The following COX10 variants were observed in gnomAD, a reference collection of about 807,000 sequenced individuals.
The protein encoded by COX10 is cytochrome c oxidase assembly factor heme A:farnesyltransferase COX10.
COX10 carries 27 observed loss-of-function variants against 37.3 expected under a neutral mutation model. The ratio of observed to expected loss-of-function variants is 0.72; its 90% CI spans 0.53 to 1.00. The LOEUF (loss-of-function observed/expected upper bound fraction) is 1.00. COX10 is among the 50% of genes least tolerant of loss of function. COX10 has a pLI of 0.00. For missense variants in COX10, 475 were observed against 563.2 expected (o/e 0.84, Z 1.59); for synonymous variants, 222 against 229.1 (o/e 0.97, Z 0.28).
chr17:14,098,836 G>C (rs1189314811), intron 3 of COX10, among the ~76,000 whole-genome samples: 1 of 152,102 alleles, frequency 6.6e-6, no homozygotes, highest in African/African-American at 2.4e-5. Flanking sequence ...TTCTACCTTT[G>C]ATTGCTGCCC....
intron 4 of COX10, among the ~76,000 whole-genome samples, chr17:14,107,204 T>C (rs1401268969): frequency 7.0e-6 from 1 of 142,064 alleles, no homozygotes; most frequent in African/African-American, 2.6e-5. Context: ...GAACCACTGC[T>C]TTAACAATTT....
intron 3 of COX10, among the ~76,000 whole-genome samples, chr17:14,079,926 A>G (rs1915246327): frequency 6.6e-6 from 1 of 151,948 alleles, no homozygotes; most frequent in Non-Finnish European, 1.5e-5. Flanking sequence ...ATGACAGTAT[A>G]GTTTTCACTG....
intron 4 of COX10, among the ~76,000 whole-genome samples, chr17:14,140,323 C>T (rs1455989092): frequency 6.6e-6 from 1 of 152,102 alleles, no homozygotes; most frequent in African/African-American, 2.4e-5. Flanking sequence ...TTTAGGCATT[C>T]TTCCAGATTA....
intron 4 of COX10, among the ~76,000 whole-genome samples, chr17:14,156,023 G>C (rs960226695): frequency 3.3e-5 from 5 of 152,074 alleles, no homozygotes; most frequent in Admixed American, 6.5e-5. Context: ...TCTACCTCTG[G>C]AGCTTCATCA....
intron 4 of COX10, among the ~76,000 whole-genome samples, chr17:14,112,293 T>C (rs191269551): frequency 4.6e-5 from 7 of 152,296 alleles, no homozygotes; most frequent in African/African-American, 1.7e-4. Flanking sequence ...TTCTACTTAG[T>C]TCAAATGCAG....
intron 4 of COX10, among the ~76,000 whole-genome samples, chr17:14,150,111 A>C (rs190416903): frequency 3.8e-4 from 58 of 152,264 alleles, no homozygotes; most frequent in Non-Finnish European, 6.6e-4. Context: ...ATCTCTACCA[A>C]CAATACAAAA....
chr17:14,169,434 C>T (rs1159393130), intron 5 of COX10, among the ~76,000 whole-genome samples: 3 of 152,198 alleles, frequency 2.0e-5, no homozygotes. Flanking sequence ...TTACCCAGCT[C>T]CAAAGTTGCT....
Position 14,076,687 on chromosome 17 carries a change from G to A in COX10, c.178-48G>A. 1.9e-6 allele frequency: 3 copies of A among 1,576,406 alleles called. No homozygotes were observed. The South Asian group carries it at 3.3e-5, about 18-fold the overall frequency. ...AAGATGTTGCTAAATAACCATTTGA[G>A]AGCATTTGGGGCCTTGGTTTTATAG... On this transcript the variant is annotated intron_variant, in intron 2 of 6. Coordinates refer to ENST00000261643, the MANE Select transcript of COX10 (RefSeq NM_001303.4).
At position 14,074,304 on chromosome 17, in the gene COX10, A is replaced by C. The variant is rs1915094796; in HGVS notation, c.44-19A>C. ...GTACGAATCATTTAACCTTTCTTCCACTTCTCTCTCTATTATAGGTTGCGT... is the reference window on the plus strand; with the variant it reads ...GTACGAATCATTTAACCTTTCTTCCCCTTCTCTCTCTATTATAGGTTGCGT... On this transcript the variant is annotated intron_variant, in intron 1 of 6. Coordinates refer to ENST00000261643, the MANE Select transcript of COX10 (RefSeq NM_001303.4). 6.2e-7 allele frequency: 1 copy of C among 1,613,872 alleles called. No homozygotes were observed. Among genetic ancestry groups the C allele is most frequent in the East Asian group, 2.2e-5 (1 of 44,856 alleles).
intron 4 of COX10, among the ~76,000 whole-genome samples, chr17:14,152,258 C>A (rs1306393296): frequency 6.6e-6 from 1 of 152,132 alleles, no homozygotes; most frequent in East Asian, 1.9e-4. Flanking sequence ...ACCTACAGTT[C>A]CACATGGCTG....
chr17:14,202,151 T>TA (rs1237280686), intron 6 of COX10, among the ~76,000 whole-genome samples: 1 of 151,762 alleles, frequency 6.6e-6, no homozygotes, highest in African/African-American at 2.4e-5. Flanking sequence ...CAGCAAGCCT[T>TA]CCTCTACCCA....
intron 6 of COX10, among the ~76,000 whole-genome samples, chr17:14,199,088 T>A (rs1218245354): frequency 2.0e-5 from 3 of 150,864 alleles, no homozygotes; most frequent in Non-Finnish European, 3.0e-5. Context: ...AAAAAAGAGC[T>A]ACGAAAGAAC....
chr17:14,096,276 A>C (rs986562589), intron 3 of COX10, among the ~76,000 whole-genome samples: 1 of 152,054 alleles, frequency 6.6e-6, no homozygotes, highest in South Asian at 2.1e-4. Flanking sequence ...ATTAAGTTTC[A>C]ACATGAATTT....
intron 4 of COX10, among the ~76,000 whole-genome samples, chr17:14,151,804 A>T (rs1904907016): frequency 6.6e-6 from 1 of 152,244 alleles, no homozygotes; most frequent in South Asian, 2.1e-4. Flanking sequence ...AATTACATGT[A>T]ACTTCAACTA....
chr17:14,076,406 T>C (rs1597490971), intron 2 of COX10, among the ~76,000 whole-genome samples: 1 of 151,498 alleles, frequency 6.6e-6, no homozygotes, highest in African/African-American at 2.4e-5. Flanking sequence ...TTTTTTATTG[T>C]ATTTGGAATG....
chr17:14,135,104 T>C (rs1219193730), intron 4 of COX10, among the ~76,000 whole-genome samples: 1 of 151,802 alleles, frequency 6.6e-6, no homozygotes, highest in Non-Finnish European at 1.5e-5. Flanking sequence ...AGTGTAGGCA[T>C]GAAGCTTCAT....
intron 6 of COX10, among the ~76,000 whole-genome samples, chr17:14,195,468 C>T (rs540493464): frequency 7.9e-5 from 12 of 152,210 alleles, no homozygotes; most frequent in East Asian, 1.9e-4. Flanking sequence ...ATTTCAAACG[C>T]GCAAAGGCAC....
In COX10 at chr17:14,206,974, C is replaced by T. The variant is rs759712553; in HGVS notation, c.1093C>T (p.Leu365Phe). 39 of 1,614,076 alleles carry T rather than the reference C, an allele frequency of 2.4e-5. No individual in the cohort carries two copies. The highest frequency in any genetic ancestry group is 3.3e-5 in the Admixed American group (2 of 60,030). The change falls in exon 7 of 7, where the codon CTC (leucine) becomes TTC (phenylalanine). Residue 365 changes from leucine to phenylalanine, a missense_variant. Physicochemically the swap from Leu to Phe is conservative, Grantham distance 22 (BLOSUM62 0). This residue lies in a region of COX10 where 160 missense variants were observed against 180.6 expected (regional missense o/e 0.89). Coordinates refer to ENST00000261643, the MANE Select transcript of COX10 (RefSeq NM_001303.4). ...GGCGCTGCGCCACTGCCTGGCCCTG[C>T]TCGTGCTGTCCGCAGCAGCCCCTGT... is the stretch of plus-strand genomic sequence containing the variant. ...RVALRHCLALLVLSAAAPVLD... is the reference protein window; with the variant it reads ...RVALRHCLALFVLSAAAPVLD...
intron 5 of COX10, among the ~76,000 whole-genome samples, chr17:14,180,264 T>C (rs1905816652): frequency 6.6e-6 from 1 of 152,136 alleles, no homozygotes; most frequent in South Asian, 2.1e-4. Flanking sequence ...CATAAACATT[T>C]TATAAGTATA....
Sources: gnomAD v4.1 joint callset for allele counts (sites outside exome capture counted in the v4.1 genomes callset) on GRCh38, gnomAD v4.1.1 for gene constraint, gnomAD v4.1.1 regional missense constraint, MANE v1.5 for transcripts, NCBI Gene and HGNC (gene_info 2026-07-23, HGNC 2026-07-21) for gene names.